SCEL: variants seen among roughly 807,000 people sequenced by gnomAD.
SCEL encodes sciellin.
Under a neutral mutation model 117.6 loss-of-function variants are expected in SCEL, and 113 were observed. The ratio of observed to expected loss-of-function variants is 0.96; its 90% confidence interval spans 0.83 to 1.12. SCEL has a LOEUF of 1.12. Among genes scored for constraint, SCEL ranks in the 50% most tolerant of loss-of-function variants. SCEL has a pLI of 0.00. For synonymous variants in SCEL, 270 were observed against 256.2 expected (o/e 1.05, Z -0.51); for missense variants, 785 against 810.8 (o/e 0.97, Z 0.39).
intron 9 of SCEL, among the ~76,000 whole-genome samples, chr13:77,581,597 T>C (rs2086267476): frequency 6.6e-6 from 1 of 152,146 alleles, no homozygotes. Context: ...GGTTCAAAAG[T>C]AGGATAAAGA....
chr13:77,643,675 A>C (rs2090666422), intron 32 of SCEL, among the ~76,000 whole-genome samples: 1 of 152,170 alleles, frequency 6.6e-6, no homozygotes, highest in African/African-American at 2.4e-5. Flanking sequence ...GTGTGATATT[A>C]ATGAGCTACT....
chr13:77,636,835 G>A (rs374513816), intron 29 of SCEL, among the ~76,000 whole-genome samples: 3 of 152,204 alleles, frequency 2.0e-5, no homozygotes, highest in South Asian at 2.1e-4. Context: ...AACAGATGAG[G>A]TGCAAGTATA....
chr13:77,643,087 A>G (rs1163048855), intron 32 of SCEL, among the ~76,000 whole-genome samples: 5 of 152,118 alleles, frequency 3.3e-5, no homozygotes, highest in Non-Finnish European at 1.5e-5. Context: ...CAAGAAAGTT[A>G]TTGTCTACTC....
At chr13:77,601,325 C>A (rs1222827332) in intron 15 of SCEL, among the ~76,000 whole-genome samples, 1 of 152,172 alleles carries the variant, frequency 6.6e-6, no homozygotes, top group Admixed American at 6.5e-5. Context: ...GCAGGAATAA[C>A]TGATCTTGTC....
chr13:77,569,338 G>A, intron 7 of SCEL, 33 bp from the exon 8 acceptor site: 1 of 1,554,796 alleles, frequency 6.4e-7, no homozygotes, highest in Non-Finnish European at 8.9e-7. Flanking sequence ...AAGTTTGAGA[G>A]TGGGATTAAT....
intron 1 of SCEL, among the ~76,000 whole-genome samples, chr13:77,552,146 C>T (rs1242155995): frequency 5.9e-5 from 9 of 152,004 alleles, no homozygotes; most frequent in Non-Finnish European, 1.0e-4. Context: ...ACAGTGCCGC[C>T]ATAAACATAC....
intron 3 of SCEL, among the ~76,000 whole-genome samples, chr13:77,558,706 C>T (rs2084799335): frequency 1.3e-5 from 2 of 151,146 alleles, no homozygotes; most frequent in African/African-American, 4.9e-5. Flanking sequence ...ATCCCAGCTA[C>T]TCAGGAGGCT....
chr13:77,642,765 T>A lies in SCEL; in HGVS notation c.2007T>A (p.Tyr669Ter). 6.2e-7 allele frequency: 1 copy of A among 1,607,750 alleles called. No homozygotes were observed. The highest frequency in any genetic ancestry group is 2.2e-5 in the East Asian group (1 of 44,708). ...AAGCGGGTGATAGTATTTGGATTTA[T>A]AGACAGACAATACACTGTGAACCTT... ...NLQAGDSIWI[Y>*]RQTIHCEPCY... Residue 669 changes from tyrosine (Y) to a stop codon, truncating the protein, a stop_gained, in exon 32 of 33, where the codon TAT (tyrosine) becomes TAA (stop). Coordinates refer to ENST00000349847, the MANE Select transcript of SCEL (RefSeq NM_144777.3). LOFTEE classifies it high-confidence loss of function.
Position 77,640,685 on chromosome 13 carries a change from T to C in SCEL, c.1848T>C (p.Ile616=). ...TVYSTSDRSV[I]ERDMCTYCRK... is the part of the protein sequence containing the mutation. ...GCTTACATTTCTATAGGTCTGTCAT[T>C]GAAAGAGATATGTGCACTTACTGCC... The change falls in exon 31 of 33, where the codon ATT becomes ATC. Residue 616 remains isoleucine (I), a synonymous_variant. Coordinates refer to ENST00000349847, the MANE Select transcript of SCEL (RefSeq NM_144777.3). 6.4e-7 allele frequency: 1 copy of C among 1,571,190 alleles called. No homozygotes were observed. The highest frequency in any genetic ancestry group is 8.7e-7 in the Non-Finnish European group (1 of 1,149,996).
At chr13:77,561,727 G>A (rs2084988846) in intron 4 of SCEL, among the ~76,000 whole-genome samples, 1 of 152,236 alleles carries the variant, frequency 6.6e-6, no homozygotes, top group Non-Finnish European at 1.5e-5. Flanking sequence ...AGAGGTGTGT[G>A]AGTGCACTAT....
At chr13:77,562,874 T>C (rs2085062718) in intron 4 of SCEL, among the ~76,000 whole-genome samples, 1 of 152,248 alleles carries the variant, frequency 6.6e-6, no homozygotes, top group Non-Finnish European at 1.5e-5. Flanking sequence ...ATCTTTAGTA[T>C]CTAGTCTTAG....
In SCEL at chr13:77,593,503, ATT is replaced by A; in HGVS notation, c.693-10_693-9del. 3 of 1,605,984 alleles carry A rather than the reference ATT, an allele frequency of 1.9e-6. No individual in the cohort carries two copies. Among genetic ancestry groups the A allele is most frequent in the Non-Finnish European group, 2.6e-6 (3 of 1,174,120 alleles). Reference sequence around the variant, plus strand: ...TATCATTGACCTGTATTTATTTTTCATTGTTTGAAGGAGTCAGGATCTTGATA... The same window carrying A: ...TATCATTGACCTGTATTTATTTTTCAGTTTGAAGGAGTCAGGATCTTGATA... On this transcript the variant is annotated splice_polypyrimidine_tract_variant and intron_variant, in intron 11 of 32. Transcript: ENST00000349847.
Position 77,615,904 on chromosome 13 carries a change from T to C in SCEL, c.1452-1695T>C, listed in dbSNP as rs557408148. 9.2e-5 allele frequency among the ~76,000 whole-genome samples: 14 copies of C among 152,166 alleles called. 1 individual carries two copies. The South Asian group carries it at 1.9e-3, about 20-fold the overall frequency. Reference sequence around the variant, plus strand: ...AGGGTCTTGTCATTAATTTAGTGAATGGCAATCAGCATTTTTTCTTAAATT... The same window carrying C: ...AGGGTCTTGTCATTAATTTAGTGAACGGCAATCAGCATTTTTTCTTAAATT... On this transcript the variant is annotated intron_variant, in intron 24 of 32. Transcript: ENST00000349847.
chr13:77,628,345 G>A (rs1317828197), intron 28 of SCEL, among the ~76,000 whole-genome samples: 1 of 151,978 alleles, frequency 6.6e-6, no homozygotes, highest in African/African-American at 2.4e-5. Flanking sequence ...GGGCTGTGAA[G>A]ATTTATTTTT....
intron 30 of SCEL, among the ~76,000 whole-genome samples, chr13:77,637,423 T>C (rs12427603): frequency 0.038 from 5,606 of 147,346 alleles, 203 homozygotes; most frequent in Admixed American, 0.075. Context: ...AATATATATA[T>C]ATATATATTT....
chr13:77,640,452 T>C (rs1425830925), intron 30 of SCEL, among the ~76,000 whole-genome samples: 1 of 152,160 alleles, frequency 6.6e-6, no homozygotes, highest in Non-Finnish European at 1.5e-5. Flanking sequence ...AATTAATAAT[T>C]TGGGACTTTC....
chr13:77,631,466 T>C lies in SCEL; in HGVS notation c.1692-2913T>C, dbSNP rs201590473. On this transcript the variant is annotated intron_variant, in intron 28 of 32. Coordinates refer to ENST00000349847, the MANE Select transcript of SCEL (RefSeq NM_144777.3). ...AAAAAGTCACCAATGTAAAAACCAG[T>C]GAGACATGAATCTGTAGTTTAGTTC... is the stretch of plus-strand genomic sequence containing the variant. Among the ~76,000 whole-genome samples, 5 of 152,266 alleles carry C rather than the reference T, an allele frequency of 3.3e-5. No homozygotes were observed. In the East Asian group the frequency reaches 5.8e-4, roughly 18 times the overall value.
chr13:77,628,058 C>A (rs375106667), intron 28 of SCEL, 49 bp downstream of exon 28: 11 of 653,838 alleles, frequency 1.7e-5, no homozygotes, highest in Non-Finnish European at 2.2e-5. Context: ...CTATATGCAT[C>A]TGCATATATT....
intron 13 of SCEL, among the ~76,000 whole-genome samples, chr13:77,598,074 G>A (rs2087364679): frequency 1.3e-5 from 2 of 152,106 alleles, no homozygotes; most frequent in South Asian, 4.2e-4. Context: ...CCATCCTCTT[G>A]CCTCAGCCTC....
Sources: allele counts gnomAD v4.1 joint callset (sites outside exome capture counted in the v4.1 genomes callset), GRCh38; gene constraint gnomAD v4.1.1; transcripts MANE v1.5; gene names NCBI Gene and HGNC (gene_info 2026-07-23, HGNC 2026-07-21).